The following DIP2A variants were observed in gnomAD, a reference collection of about 807,000 sequenced individuals.
DIP2A encodes the protein DIP2 acetate--CoA ligase A.
In DIP2A, 85 loss-of-function variants were observed where a neutral mutation model predicts 177.4. That is an observed-to-expected ratio of 0.48 (90% CI 0.40 to 0.57). The LOEUF is 0.57. Among genes scored for constraint, DIP2A ranks in the 20% least tolerant of loss-of-function variants. The probability of loss-of-function intolerance (pLI) is 0.00; values close to 1 mark genes in which losing one functional copy is unlikely to be tolerated. For synonymous variants in DIP2A, 886 were observed against 881.8 expected, an observed-to-expected ratio of 1.00 and a Z score of -0.08; for missense variants, 1,791 against 2,100.2, an observed-to-expected ratio of 0.85 and a Z score of 2.88.
At chr21:46,477,491 C>T (rs1442473426) in intron 1 of DIP2A, among the ~76,000 whole-genome samples, 1 of 147,998 alleles carries the variant, frequency 6.8e-6, no homozygotes, top group Admixed American at 6.7e-5. Flanking sequence ...TGCGCCACTG[C>T]ACTCCAGCCT....
chr21:46,540,069 C>A, intron 17 of DIP2A, 78 bp downstream of exon 17: 1 of 1,251,416 alleles, frequency 8.0e-7, no homozygotes, highest in Non-Finnish European at 1.2e-6. Flanking sequence ...TGGAGCTGTG[C>A]CTGTGCCTGT....
At chr21:46,507,190 C>T (rs1352731595) in intron 6 of DIP2A, among the ~76,000 whole-genome samples, 2 of 152,150 alleles carry the variant, frequency 1.3e-5, no homozygotes, top group Non-Finnish European at 1.5e-5. Flanking sequence ...TTTAACAATG[C>T]CTTTCAAAGA....
At position 46,531,132 on chromosome 21, in the gene DIP2A, AGC is replaced by A. The variant is rs199815501; in HGVS notation, c.1195-994_1195-993del. Among the ~76,000 whole-genome samples, 1,310 of 152,198 alleles carry A rather than the reference AGC, an allele frequency of 8.6e-3. 11 individuals are homozygous for A. Among genetic ancestry groups the A allele is most frequent in the Non-Finnish European group, 0.014 (959 of 67,998 alleles). On this transcript the variant is annotated intron_variant, in intron 9 of 37. Transcript: ENST00000417564. ...TGGAGGCCCCAGGACGATCACTGGCAGCAGTCCAGGGGGGGCAGCAGAGCCAC... is the reference window on the plus strand; with the variant it reads ...TGGAGGCCCCAGGACGATCACTGGCAAGTCCAGGGGGGGCAGCAGAGCCAC...
intron 12 of DIP2A, 118 bp from the exon 13 acceptor site, chr21:46,534,467 C>G: frequency 1.0e-6 from 1 of 991,246 alleles, no homozygotes. Flanking sequence ...GGTTAGAGGC[C>G]GATGGTTAGA....
chr21:46,534,442 T>C lies in DIP2A; in HGVS notation c.1540-143T>C, dbSNP rs2059479658. ...CCCCTCAGCGGCCAGGGTTTTGCCATGTACCTGGGCTGCTGGTTAGAGGCC... is the reference window on the plus strand; with the variant it reads ...CCCCTCAGCGGCCAGGGTTTTGCCACGTACCTGGGCTGCTGGTTAGAGGCC... On this transcript the variant is annotated intron_variant, in intron 12 of 37. Transcript: ENST00000417564. 1.9e-5 allele frequency: 15 copies of C among 803,828 alleles called. No homozygotes were observed. The East Asian group carries it at 3.2e-4, about 17-fold the overall frequency. The allele number at this position is 803,828 out of a possible 1,614,324, so 49.8% of individuals were successfully genotyped here. A position where few individuals can be genotyped will look rare whatever the true frequency, so the allele number is the denominator to read the frequency against.
intron 1 of DIP2A, among the ~76,000 whole-genome samples, chr21:46,482,612 T>A (rs2148420151): frequency 6.6e-6 from 1 of 151,788 alleles, no homozygotes; most frequent in South Asian, 2.1e-4. Flanking sequence ...CGTGAGCTAT[T>A]TGAGAAGGCT....
chr21:46,583,267 G>C, the DIP2A span, among the ~76,000 whole-genome samples: 2 of 152,144 alleles, frequency 1.3e-5, no homozygotes, highest in Non-Finnish European at 2.9e-5. Context: ...AGAAATAAGA[G>C]TTGGAGACTT....
At chr21:46,551,544 T>C (rs1569096260) in intron 23 of DIP2A, 90 bp from the exon 24 acceptor site, 5 of 1,151,452 alleles carry the variant, frequency 4.3e-6, no homozygotes, top group Non-Finnish European at 2.5e-6. Context: ...CATTCAAGTA[T>C]GTTTTCAAAA....
intron 8 of DIP2A, among the ~76,000 whole-genome samples, 177 bp downstream of exon 8, chr21:46,511,791 G>A (rs186397166): frequency 1.2e-4 from 19 of 152,258 alleles, no homozygotes; most frequent in African/African-American, 4.3e-4. Context: ...ACTCACTGAT[G>A]CATGGTGACT....
At chr21:46,520,993 G>A (rs946250721) in intron 8 of DIP2A, among the ~76,000 whole-genome samples, 2 of 152,024 alleles carry the variant, frequency 1.3e-5, no homozygotes, top group Non-Finnish European at 2.9e-5. Flanking sequence ...AGGTTTAAAC[G>A]CTTGATATTA....
At chr21:46,581,122 C>G in the DIP2A span, among the ~76,000 whole-genome samples, 1,142 of 152,296 alleles carry the variant, frequency 7.5e-3, 13 homozygotes, top group African/African-American at 0.026. Flanking sequence ...TCTCATAGAT[C>G]TCAGAAGTTT....
chr21:46,541,720 C>T (rs765769903), intron 17 of DIP2A, 36 bp from the exon 18 acceptor site: 1 of 1,612,382 alleles, frequency 6.2e-7, no homozygotes. Context: ...TTTCATCCCC[C>T]TCGTCAGTTA....
intron 5 of DIP2A, among the ~76,000 whole-genome samples, chr21:46,502,190 C>T (rs1442512407): frequency 1.3e-5 from 2 of 152,040 alleles, no homozygotes. Context: ...GGCTAGAGTG[C>T]AGCGGTATGG....
chr21:46,547,656 C>CTTTTTTTTTTTTTT (rs10672432), intron 21 of DIP2A, among the ~76,000 whole-genome samples: 1 of 76,392 alleles, frequency 1.3e-5, no homozygotes, highest in African/African-American at 5.6e-5. Context: ...AAGGGGGTGC[C>CTTTTTTTTTTTTTT]TTTTTTTTTT....
rs200456358 is a variant in DIP2A, at chr21:46,565,917, G to A, written c.4339+30G>A. ...GGGGTTGTGGTGAAGCCCTGCGTGA[G>A]TGCTGTGCGGGGAGGACCTGGGCTC... is the stretch of plus-strand genomic sequence containing the variant. On this transcript the variant is annotated intron_variant, in intron 36 of 37. Coordinates refer to ENST00000417564, the MANE Select transcript of DIP2A (RefSeq NM_015151.4). The A allele has an allele frequency of 3.8e-4, 620 of 1,611,940 alleles. 1 individual carries two copies. Among genetic ancestry groups the A allele is most frequent in the Non-Finnish European group, 4.6e-4 (543 of 1,179,140 alleles).
At chr21:46,535,078 A>T (rs917841348) in intron 13 of DIP2A, among the ~76,000 whole-genome samples, 3 of 152,230 alleles carry the variant, frequency 2.0e-5, no homozygotes, top group African/African-American at 7.2e-5. Flanking sequence ...GGCATTTTTC[A>T]TTCAAAAAGA....
At chr21:46,540,620 G>C (rs1257874474) in intron 17 of DIP2A, among the ~76,000 whole-genome samples, 1 of 152,166 alleles carries the variant, frequency 6.6e-6, no homozygotes, top group Non-Finnish European at 1.5e-5. Context: ...TGTGCTCACA[G>C]CTGAGGTGTC....
chr21:46,502,555 C>T (rs2057715414), intron 5 of DIP2A, among the ~76,000 whole-genome samples: 1 of 146,162 alleles, frequency 6.8e-6, no homozygotes, highest in East Asian at 2.1e-4. Flanking sequence ...TCAAGCGATT[C>T]TCCTGCCTCA....
At position 46,556,723 on chromosome 21, in the gene DIP2A, C is replaced by G. The variant is rs1361332563; in HGVS notation, c.3499-216C>G. The G allele has an allele frequency of 3.8e-6, 2 of 532,420 alleles. No individual in the cohort carries two copies. The highest frequency in any genetic ancestry group is 6.1e-5 in the East Asian group (2 of 32,592). The allele number at this position is 532,420 out of a possible 1,614,324, so 33.0% of individuals were successfully genotyped here. A position where few individuals can be genotyped will look rare whatever the true frequency, so the allele number is the denominator to read the frequency against. ...AAAAAAATTTTAAAAATTCATTACC[C>G]TGAAATTTTGTTTCAAAGATTTTTA... On this transcript the variant is annotated intron_variant, in intron 29 of 37. Transcript: ENST00000417564. The surrounding 1 kb of genome is among the most constrained non-coding windows in gnomAD (Gnocchi z 4.5).
Sources: allele counts gnomAD v4.1 joint callset (sites outside exome capture counted in the v4.1 genomes callset), GRCh38; gene constraint gnomAD v4.1.1; non-coding constraint Gnocchi (gnomAD v3.1); transcripts MANE v1.5; gene names NCBI Gene and HGNC (gene_info 2026-07-23, HGNC 2026-07-21).